Variants in MICU1 observed in about 807,000 individuals in gnomAD.
MICU1 encodes the protein mitochondrial calcium uptake 1.
Under a neutral mutation model 56.8 loss-of-function variants are expected in MICU1, and 45 were observed. That is an observed-to-expected ratio of 0.79 (90% CI 0.62 to 1.02). The LOEUF (loss-of-function observed/expected upper bound fraction) is 1.02. MICU1 is among the 50% of genes least tolerant of loss of function. MICU1 has a pLI of 0.00. For missense variants in MICU1, 504 were observed against 587.1 expected, an observed-to-expected ratio of 0.86 and a Z score of 1.46; for synonymous variants, 186 against 195.1, an observed-to-expected ratio of 0.95 and a Z score of 0.39.
At chr10:72,446,130 G>A (rs1414550683) in intron 8 of MICU1, among the ~76,000 whole-genome samples, 1 of 152,014 alleles carries the variant, frequency 6.6e-6, no homozygotes, top group East Asian at 1.9e-4. Flanking sequence ...TTTCAGAAAC[G>A]CTGCACCACC....
chr10:72,514,492 G>A (rs574425517), intron 5 of MICU1, among the ~76,000 whole-genome samples: 1 of 152,240 alleles, frequency 6.6e-6, no homozygotes, highest in South Asian at 2.1e-4. Flanking sequence ...GCTACTTACT[G>A]TGGGTTGTAG....
At chr10:72,399,667 A>AAAAAATG (rs1464810421) in intron 10 of MICU1, among the ~76,000 whole-genome samples, 1 of 152,000 alleles carries the variant, frequency 6.6e-6, no homozygotes, top group Non-Finnish European at 1.5e-5. Context: ...AATAAAAAAT[A>AAAAAATG]AGAATAAATT....
At chr10:72,566,221 A>G (rs1011605652) in intron 2 of MICU1, among the ~76,000 whole-genome samples, 4 of 151,706 alleles carry the variant, frequency 2.6e-5, no homozygotes, top group African/African-American at 4.8e-5. Context: ...TATTTTTTGT[A>G]TTTTTGTAGA....
intron 6 of MICU1, among the ~76,000 whole-genome samples, chr10:72,503,865 GACACACACACACAC>G (rs59119352): frequency 2.1e-5 from 3 of 146,302 alleles, no homozygotes; most frequent in Non-Finnish European, 4.5e-5. Flanking sequence ...ATTTACAATA[GACACACACACACAC>G]ACACACACAC....
At chr10:72,569,237 A>T (rs4746120) in intron 1 of MICU1, among the ~76,000 whole-genome samples, 24,382 of 35,488 alleles carry the variant, frequency 0.69, 8,692 homozygotes, top group Middle Eastern at 0.79. Context: ...ATATATATAT[A>T]TTTTTTTTTT....
intron 8 of MICU1, among the ~76,000 whole-genome samples, chr10:72,435,467 CA>C (rs1404307492): frequency 6.6e-6 from 1 of 150,972 alleles, no homozygotes; most frequent in East Asian, 1.9e-4. Flanking sequence ...CAGCTACCAG[CA>C]TGATCGATGC....
intron 8 of MICU1, 121 bp from the exon 9 acceptor site, chr10:72,423,492 G>C: frequency 8.0e-7 from 1 of 1,255,242 alleles, no homozygotes; most frequent in Non-Finnish European, 1.1e-6. Context: ...ATATTTTTGA[G>C]GTACAATTCT....
At chr10:72,417,251 G>A (rs978913668) in intron 9 of MICU1, among the ~76,000 whole-genome samples, 1 of 152,104 alleles carries the variant, frequency 6.6e-6, no homozygotes, top group Admixed American at 6.6e-5. Context: ...AGGAGATCGA[G>A]ACCATCCTGG....
chr10:72,528,260 C>G (rs1214168649), intron 5 of MICU1, among the ~76,000 whole-genome samples: 1 of 152,174 alleles, frequency 6.6e-6, no homozygotes, highest in African/African-American at 2.4e-5. Context: ...CTTCTGGCTT[C>G]AAGGAAATAC....
intron 11 of MICU1, among the ~76,000 whole-genome samples, chr10:72,371,001 A>G (rs1862313729): frequency 1.3e-5 from 2 of 152,074 alleles, no homozygotes; most frequent in Non-Finnish European, 2.9e-5. Flanking sequence ...ACTGCACTCC[A>G]GCCTGGGTGA....
At chr10:72,430,096 C>T (rs2132154382) in intron 8 of MICU1, among the ~76,000 whole-genome samples, 1 of 151,412 alleles carries the variant, frequency 6.6e-6, no homozygotes, top group South Asian at 2.1e-4. Flanking sequence ...ACTTTTCATA[C>T]TAACCTTACT....
chr10:72,558,587 A>G (rs1298413321), intron 3 of MICU1, among the ~76,000 whole-genome samples: 1 of 152,192 alleles, frequency 6.6e-6, no homozygotes, highest in Non-Finnish European at 1.5e-5. Context: ...ATGCTCATTT[A>G]GAGCATTTTC....
At chr10:72,448,987 T>C (rs931797695) in intron 8 of MICU1, among the ~76,000 whole-genome samples, 8 of 152,144 alleles carry the variant, frequency 5.3e-5, no homozygotes, top group Non-Finnish European at 1.0e-4. Context: ...CAGGCTGGAG[T>C]GCAGTGGTGT....
intron 1 of MICU1, among the ~76,000 whole-genome samples, chr10:72,594,086 G>A (rs1365628450): frequency 6.6e-6 from 1 of 152,082 alleles, no homozygotes; most frequent in African/African-American, 2.4e-5. Context: ...AACAATAAGG[G>A]GATCTCACAC....
chr10:72,486,558 G>T (rs1589268262), intron 6 of MICU1, among the ~76,000 whole-genome samples: 1 of 152,266 alleles, frequency 6.6e-6, no homozygotes, highest in African/African-American at 2.4e-5. Flanking sequence ...TGAAACTTCT[G>T]CCTCCTGGGT....
At chr10:72,403,481 T>A (rs557977826) in intron 10 of MICU1, among the ~76,000 whole-genome samples, 1 of 151,488 alleles carries the variant, frequency 6.6e-6, no homozygotes, top group East Asian at 1.9e-4. Flanking sequence ...CCTACCAAAG[T>A]GTTGGGATTA....
At position 72,563,041 on chromosome 10, in the gene MICU1, ATGG is replaced by A. The variant is rs1165978361; in HGVS notation, c.181_183del (p.Pro61del). On this transcript the variant is annotated inframe_deletion, in exon 3 of 12. Coordinates refer to ENST00000361114, the MANE Select transcript of MICU1 (RefSeq NM_001195518.2). ...ATGTCACTTTTTAGGTTGTCTACAC[ATGG>A]TGGAGATTCTGCATGGGCCCTGGAT... The A allele has an allele frequency of 2.5e-6, 4 of 1,583,988 alleles. No homozygotes were observed. In the Admixed American group the frequency reaches 7.4e-5, roughly 29 times the overall value.
intron 8 of MICU1, among the ~76,000 whole-genome samples, chr10:72,461,837 T>G (rs1865648040): frequency 6.6e-6 from 1 of 152,094 alleles, no homozygotes; most frequent in Non-Finnish European, 1.5e-5. Flanking sequence ...TGTAGTTCAG[T>G]TACTCGGGAG....
intron 1 of MICU1, among the ~76,000 whole-genome samples, chr10:72,578,837 C>G (rs1279948380): frequency 6.6e-6 from 1 of 152,126 alleles, no homozygotes; most frequent in African/African-American, 2.4e-5. Context: ...GAACTCCTGA[C>G]CTTGTGATCC....
Sources: allele counts gnomAD v4.1 joint callset (sites outside exome capture counted in the v4.1 genomes callset), GRCh38; gene constraint gnomAD v4.1.1; transcripts MANE v1.5; gene names NCBI Gene and HGNC (gene_info 2026-07-23, HGNC 2026-07-21).